Variants in NPAS3 observed in about 807,000 individuals in gnomAD.
The protein encoded by NPAS3 is neuronal PAS domain protein 3, also known as neuronal PAS domain-containing protein 3.
In NPAS3, 14 loss-of-function variants were observed where a neutral mutation model predicts 73.1. The ratio of observed to expected loss-of-function variants is 0.19; its 90% confidence interval spans 0.13 to 0.30. NPAS3 has a LOEUF of 0.30. NPAS3 is among the 10% of genes least tolerant of loss of function. The pLI is 1.00. For synonymous variants in NPAS3, 620 were observed against 541.5 expected, an observed-to-expected ratio of 1.14 and a Z score of -2.01; for missense variants, 1,096 against 1,250.0, an observed-to-expected ratio of 0.88 and a Z score of 1.86.
At chr14:33,241,670 G>A (rs1253564498) in intron 3 of NPAS3, among the ~76,000 whole-genome samples, 1 of 151,996 alleles carries the variant, frequency 6.6e-6, no homozygotes, top group Non-Finnish European at 1.5e-5. Flanking sequence ...ATGGGCTGTA[G>A]TAAATAATTT....
intron 1 of NPAS3, among the ~76,000 whole-genome samples, chr14:33,050,033 A>G (rs2040648176): frequency 6.6e-6 from 1 of 152,168 alleles, no homozygotes; most frequent in African/African-American, 2.4e-5. Context: ...TATTTTGGTT[A>G]GCGCTGAGGG....
intron 2 of NPAS3, among the ~76,000 whole-genome samples, chr14:33,213,401 A>G (rs149512174): frequency 2.6e-5 from 4 of 152,326 alleles, no homozygotes; most frequent in South Asian, 2.1e-4. Flanking sequence ...GCTAACTTAA[A>G]TGTTGTTAGA....
intron 6 of NPAS3, among the ~76,000 whole-genome samples, chr14:33,712,178 A>G (rs2060837022): frequency 6.6e-6 from 1 of 152,164 alleles, no homozygotes; most frequent in Non-Finnish European, 1.5e-5. Flanking sequence ...AGGGGCAGTG[A>G]TGGGAAGGAC....
chr14:33,681,722 G>A (rs1374930801), intron 6 of NPAS3, among the ~76,000 whole-genome samples: 1 of 152,180 alleles, frequency 6.6e-6, no homozygotes, highest in Non-Finnish European at 1.5e-5. Context: ...AGACTGCTCA[G>A]CATGCTAATA....
At chr14:33,358,246 G>C (rs1053135161) in intron 3 of NPAS3, among the ~76,000 whole-genome samples, 6 of 152,158 alleles carry the variant, frequency 3.9e-5, no homozygotes, top group African/African-American at 1.4e-4. Flanking sequence ...TGAGGTGGAG[G>C]GGGAGAGAGA....
chr14:33,109,583 A>T (rs190582554), intron 2 of NPAS3, among the ~76,000 whole-genome samples: 1 of 151,960 alleles, frequency 6.6e-6, no homozygotes, highest in East Asian at 1.9e-4. Flanking sequence ...AATTAATGTA[A>T]TTTTTCTAGT....
intron 1 of NPAS3, among the ~76,000 whole-genome samples, chr14:32,949,967 A>T (rs550335519): frequency 6.6e-6 from 1 of 152,012 alleles, no homozygotes; most frequent in Non-Finnish European, 1.5e-5. Context: ...TTGGTTTATT[A>T]TACACCAAAG....
chr14:33,385,423 C>A (rs556396640), intron 4 of NPAS3, among the ~76,000 whole-genome samples: 3 of 152,156 alleles, frequency 2.0e-5, no homozygotes, highest in African/African-American at 7.2e-5. Context: ...GACCCTGCAC[C>A]CTATGTTTCT....
At chr14:33,200,028 C>A (rs1410649337) in intron 2 of NPAS3, among the ~76,000 whole-genome samples, 1 of 150,274 alleles carries the variant, frequency 6.7e-6, no homozygotes, top group Non-Finnish European at 1.5e-5. Flanking sequence ...CTACATTTGA[C>A]TCATTGTTAA....
chr14:33,500,340 G>C (rs1185268215), intron 4 of NPAS3, among the ~76,000 whole-genome samples: 2 of 151,854 alleles, frequency 1.3e-5, no homozygotes, highest in South Asian at 4.1e-4. Flanking sequence ...ATTTCTCTCT[G>C]GGGTGTCTTT....
At chr14:33,023,370 TA>T (rs1181790815) in intron 1 of NPAS3, among the ~76,000 whole-genome samples, 3 of 144,944 alleles carry the variant, frequency 2.1e-5, no homozygotes, top group South Asian at 4.2e-4. Context: ...TTGGAATGAA[TA>T]TTTTTTTTCA....
At chr14:33,784,745 A>ATTTATTTATTTTTTTTTTTTTTT (rs1471526546) in intron 9 of NPAS3, among the ~76,000 whole-genome samples, 1 of 73,840 alleles carries the variant, frequency 1.4e-5, no homozygotes, top group African/African-American at 6.3e-5. Context: ...TTATTTATTT[A>ATTTATTTATTTTTTTTTTTTTTT]TTTTTTTTTT....
intron 2 of NPAS3, among the ~76,000 whole-genome samples, chr14:33,075,494 C>T (rs145749447): frequency 4.6e-5 from 7 of 152,252 alleles, no homozygotes; most frequent in Non-Finnish European, 2.9e-5. Flanking sequence ...CTTATATTAA[C>T]TGATAAAGCT....
intron 5 of NPAS3, among the ~76,000 whole-genome samples, chr14:33,672,691 C>T (rs1322426084): frequency 8.2e-6 from 1 of 121,450 alleles, no homozygotes; most frequent in African/African-American, 3.7e-5. Flanking sequence ...TGGTGAGTAC[C>T]CATAAGAGAG....
At chr14:33,229,196 AG>A (rs1238731318) in intron 3 of NPAS3, among the ~76,000 whole-genome samples, 1 of 152,362 alleles carries the variant, frequency 6.6e-6, no homozygotes, top group African/African-American at 2.4e-5. Context: ...AAACAACTAA[AG>A]GCATGAATCA....
At chr14:32,966,086 G>T (rs1488082797) in intron 1 of NPAS3, among the ~76,000 whole-genome samples, 1 of 152,048 alleles carries the variant, frequency 6.6e-6, no homozygotes, top group Non-Finnish European at 1.5e-5. Flanking sequence ...TCATGTTAAT[G>T]GATTGGAAGA....
At chr14:33,656,187 G>A (rs1432071226) in intron 5 of NPAS3, among the ~76,000 whole-genome samples, 3 of 152,130 alleles carry the variant, frequency 2.0e-5, no homozygotes, top group Non-Finnish European at 4.4e-5. Flanking sequence ...GTAGTTTGGG[G>A]ACTTTCTTAA....
intron 4 of NPAS3, among the ~76,000 whole-genome samples, chr14:33,476,831 G>A (rs1414818286): frequency 6.6e-6 from 1 of 152,058 alleles, no homozygotes; most frequent in African/African-American, 2.4e-5. Flanking sequence ...GCCTTTCTTT[G>A]TATTGCTTTA....
chr14:33,395,552 A>G (rs2047185710), intron 4 of NPAS3, among the ~76,000 whole-genome samples: 1 of 152,100 alleles, frequency 6.6e-6, no homozygotes, highest in South Asian at 2.1e-4. Flanking sequence ...GTATACATAC[A>G]TACATATATG....
Sources: allele counts gnomAD v4.1 joint callset (sites outside exome capture counted in the v4.1 genomes callset), GRCh38; gene constraint gnomAD v4.1.1; transcripts MANE v1.5; gene names NCBI Gene and HGNC (gene_info 2026-07-23, HGNC 2026-07-21).